The following DPYD variants were observed in gnomAD, a reference collection of about 807,000 sequenced individuals.
DPYD encodes the protein dihydropyrimidine dehydrogenase, also known as dihydropyrimidine dehydrogenase [NADP(+)].
In DPYD, 109 loss-of-function variants were observed where a neutral mutation model predicts 116.2. The ratio of observed to expected loss-of-function variants is 0.94; its 90% confidence interval spans 0.80 to 1.10. The LOEUF (loss-of-function observed/expected upper bound fraction) is 1.10. Among genes scored for constraint, DPYD ranks in the 50% least tolerant of loss-of-function variants. The pLI is 0.00. For synonymous variants in DPYD, 440 were observed against 432.0 expected (o/e 1.02, Z -0.23); for missense variants, 1,302 against 1,254.5 (o/e 1.04, Z -0.57).
intron 14 of DPYD, among the ~76,000 whole-genome samples, chr1:97,416,714 C>A (rs1035125460): frequency 6.6e-6 from 1 of 152,174 alleles, no homozygotes; most frequent in Non-Finnish European, 1.5e-5. Flanking sequence ...AAGCTCTTTG[C>A]AAACACAACA....
At chr1:97,515,558 A>G (rs1648154218) in intron 13 of DPYD, among the ~76,000 whole-genome samples, 168 bp downstream of exon 13, 1 of 151,642 alleles carries the variant, frequency 6.6e-6, no homozygotes, top group South Asian at 2.1e-4. Context: ...CCCTTCTTCC[A>G]TGGGACAGAA....
At chr1:97,528,342 T>C (rs1649307535) in intron 12 of DPYD, among the ~76,000 whole-genome samples, 1 of 152,120 alleles carries the variant, frequency 6.6e-6, no homozygotes, top group South Asian at 2.1e-4. Context: ...AAAATAATGA[T>C]TCCATTTTAC....
At chr1:97,624,643 T>C (rs1656820662) in intron 8 of DPYD, among the ~76,000 whole-genome samples, 1 of 152,012 alleles carries the variant, frequency 6.6e-6, no homozygotes, top group Non-Finnish European at 1.5e-5. Context: ...GAAATCAGTT[T>C]GTTGAAGACA....
intron 8 of DPYD, among the ~76,000 whole-genome samples, chr1:97,622,811 T>C (rs527634739): frequency 6.6e-6 from 1 of 152,150 alleles, no homozygotes; most frequent in East Asian, 1.9e-4. Context: ...CAAGACTGTA[T>C]ATAATTAGAT....
At chr1:97,235,030 T>C in intron 18 of DPYD, 36 bp from the exon 19 acceptor site, 3 of 1,613,466 alleles carry the variant, frequency 1.9e-6, no homozygotes, top group South Asian at 2.2e-5. Context: ...GTTAGCACAC[T>C]GACCACTTGA....
At chr1:97,287,663 C>T (rs1311548381) in intron 18 of DPYD, among the ~76,000 whole-genome samples, 1 of 152,104 alleles carries the variant, frequency 6.6e-6, no homozygotes, top group Non-Finnish European at 1.5e-5. Context: ...CTCGCTGCCG[C>T]CTTGCAGTTT....
intron 8 of DPYD, among the ~76,000 whole-genome samples, chr1:97,677,854 G>A (rs1660227788): frequency 6.6e-6 from 1 of 152,138 alleles, no homozygotes; most frequent in African/African-American, 2.4e-5. Flanking sequence ...AATGATGACT[G>A]CACTTCAGAA....
At chr1:97,196,858 T>C (rs934193226) in intron 19 of DPYD, among the ~76,000 whole-genome samples, 1 of 152,206 alleles carries the variant, frequency 6.6e-6, no homozygotes, top group African/African-American at 2.4e-5. Context: ...AACTATTGCA[T>C]GGACCAAATG....
chr1:97,896,099 G>T (rs961066805), intron 1 of DPYD, among the ~76,000 whole-genome samples: 1 of 151,644 alleles, frequency 6.6e-6, no homozygotes, highest in African/African-American at 2.4e-5. Context: ...GGGTCCCTAG[G>T]ATTTAGTATA....
intron 14 of DPYD, among the ~76,000 whole-genome samples, chr1:97,426,223 C>T (rs755218743): frequency 5.3e-5 from 8 of 151,792 alleles, no homozygotes; most frequent in East Asian, 1.9e-4. Flanking sequence ...ATAAGGACTT[C>T]GGTTCAGATG....
chr1:97,112,422 T>G (rs1324885718), intron 20 of DPYD, among the ~76,000 whole-genome samples: 1 of 152,126 alleles, frequency 6.6e-6, no homozygotes, highest in East Asian at 1.9e-4. Flanking sequence ...ATTTGATAGT[T>G]GACAAGTAAA....
At chr1:97,518,045 ATAAG>A (rs1489586948) in intron 12 of DPYD, among the ~76,000 whole-genome samples, 1 of 152,180 alleles carries the variant, frequency 6.6e-6, no homozygotes, top group East Asian at 1.9e-4. Flanking sequence ...TTTTAAATAA[ATAAG>A]TAATTGCTTT....
At chr1:97,251,095 C>A (rs914488019) in intron 18 of DPYD, among the ~76,000 whole-genome samples, 1 of 151,950 alleles carries the variant, frequency 6.6e-6, no homozygotes, top group Non-Finnish European at 1.5e-5. Context: ...TTCCCATTTG[C>A]AAATAGAAAA....
intron 19 of DPYD, among the ~76,000 whole-genome samples, chr1:97,222,604 A>G (rs1660848163): frequency 6.6e-6 from 1 of 152,150 alleles, no homozygotes; most frequent in Non-Finnish European, 1.5e-5. Context: ...ACCTTTCATT[A>G]AAGTAATTTA....
At chr1:97,548,199 T>C (rs1200150423) in intron 12 of DPYD, among the ~76,000 whole-genome samples, 1 of 152,078 alleles carries the variant, frequency 6.6e-6, no homozygotes, top group Non-Finnish European at 1.5e-5. Flanking sequence ...GAATAAAAAT[T>C]TTATTAACAA....
intron 16 of DPYD, among the ~76,000 whole-genome samples, chr1:97,308,963 C>T (rs1270145418): frequency 6.6e-6 from 1 of 151,732 alleles, no homozygotes; most frequent in East Asian, 1.9e-4. Context: ...TTTCTGGGCA[C>T]TAAAAAATAT....
At chr1:97,231,125 T>C (rs961634440) in intron 19 of DPYD, among the ~76,000 whole-genome samples, 1 of 152,256 alleles carries the variant, frequency 6.6e-6, no homozygotes, top group Non-Finnish European at 1.5e-5. Context: ...TTTAGTTTTC[T>C]ATGATTTCAC....
At chr1:97,304,664 T>C (rs1285903208) in intron 18 of DPYD, among the ~76,000 whole-genome samples, 1 of 152,000 alleles carries the variant, frequency 6.6e-6, no homozygotes, top group Non-Finnish European at 1.5e-5. Flanking sequence ...CAAGTTCATG[T>C]TGTCACAGTC....
chr1:97,357,491 G>GT (rs1670485646), intron 16 of DPYD, among the ~76,000 whole-genome samples: 1 of 151,764 alleles, frequency 6.6e-6, no homozygotes, highest in Non-Finnish European at 1.5e-5. Context: ...TGCTTGATTG[G>GT]TTTGGTAAGG....
Sources: allele counts gnomAD v4.1 joint callset (sites outside exome capture counted in the v4.1 genomes callset), GRCh38; gene constraint gnomAD v4.1.1; transcripts MANE v1.5; gene names NCBI Gene and HGNC (gene_info 2026-07-23, HGNC 2026-07-21).